Variants in GLMN observed in about 807,000 individuals in gnomAD.
The protein encoded by GLMN is glomulin.
A neutral mutation model predicts 87.8 loss-of-function variants in GLMN; 75 were observed. The observed-to-expected ratio is 0.85, with a 90% confidence interval of 0.71 to 1.04. The LOEUF is 1.04. Among genes scored for constraint, GLMN ranks in the 50% least tolerant of loss-of-function variants. GLMN has a pLI of 0.00. For missense variants in GLMN, 588 were observed against 658.8 expected (o/e 0.89, Z 1.18); for synonymous variants, 206 against 221.6 (o/e 0.93, Z 0.63).
chr1:92,334,840 T>A, the GLMN span, among the ~76,000 whole-genome samples: 6 of 151,628 alleles, frequency 4.0e-5, no homozygotes, highest in Middle Eastern at 3.4e-3. Flanking sequence ...CAAAAAAAAT[T>A]AGCCGGGCGT....
At chr1:92,348,514 A>G in the GLMN span, among the ~76,000 whole-genome samples, 2 of 152,176 alleles carry the variant, frequency 1.3e-5, no homozygotes, top group Non-Finnish European at 2.9e-5. Flanking sequence ...CACATTCTGT[A>G]TCTTCACTAG....
the GLMN span, among the ~76,000 whole-genome samples, chr1:92,355,876 G>A: frequency 4.0e-4 from 61 of 152,062 alleles, no homozygotes; most frequent in Non-Finnish European, 9.0e-4. Flanking sequence ...AACAGTTCTG[G>A]TCCCAAGCAT....
chr1:92,247,586 G>A (rs1200337319), intron 17 of GLMN, among the ~76,000 whole-genome samples: 1 of 152,154 alleles, frequency 6.6e-6, no homozygotes, highest in African/African-American at 2.4e-5. Context: ...GAGATGGAGA[G>A]TGGACCCAGC....
chr1:92,267,297 C>CAG (rs1373880485), intron 11 of GLMN, among the ~76,000 whole-genome samples: 1 of 152,170 alleles, frequency 6.6e-6, no homozygotes, highest in African/African-American at 2.4e-5. Flanking sequence ...AAGATCCCTA[C>CAG]AGAAATAAAG....
At chr1:92,328,823 G>A in the GLMN span, among the ~76,000 whole-genome samples, 1 of 152,208 alleles carries the variant, frequency 6.6e-6, no homozygotes, top group South Asian at 2.1e-4. Flanking sequence ...AGATTCTTTT[G>A]TCCCACAGGG....
chr1:92,270,438 C>T (rs1656124633), intron 8 of GLMN, among the ~76,000 whole-genome samples: 1 of 152,138 alleles, frequency 6.6e-6, no homozygotes, highest in South Asian at 2.1e-4. Context: ...AGAGAATGCT[C>T]TATTTCACAG....
At chr1:92,329,497 C>T in the GLMN span, among the ~76,000 whole-genome samples, 1 of 152,210 alleles carries the variant, frequency 6.6e-6, no homozygotes. Context: ...ATGAGCAGGG[C>T]TGAGAACTTG....
chr1:92,341,782 T>C, the GLMN span, among the ~76,000 whole-genome samples: 31 of 152,152 alleles, frequency 2.0e-4, no homozygotes, highest in Non-Finnish European at 3.1e-4. Context: ...GTAGCTGGGA[T>C]TACAGGCATG....
At chr1:92,327,228 G>C in the GLMN span, among the ~76,000 whole-genome samples, 1 of 152,188 alleles carries the variant, frequency 6.6e-6, no homozygotes, top group South Asian at 2.1e-4. Context: ...AACAGGTCTT[G>C]ATGACCTGTC....
At chr1:92,307,768 T>A in the GLMN span, among the ~76,000 whole-genome samples, 1 of 151,968 alleles carries the variant, frequency 6.6e-6, no homozygotes, top group South Asian at 2.1e-4. Context: ...ATGCTGGAGT[T>A]TAGCCTCTTG....
At chr1:92,287,143 T>G (rs1648857156) in intron 6 of GLMN, among the ~76,000 whole-genome samples, 2 of 152,134 alleles carry the variant, frequency 1.3e-5, no homozygotes, top group South Asian at 4.1e-4. Context: ...ACTATTCCAT[T>G]GAATTCTGAA....
intron 7 of GLMN, among the ~76,000 whole-genome samples, chr1:92,283,621 G>A (rs1648357492): frequency 6.6e-6 from 1 of 152,150 alleles, no homozygotes; most frequent in African/African-American, 2.4e-5. Flanking sequence ...TCTGGCTAGG[G>A]CAATCAGGCA....
chr1:92,278,335 T>C (rs927125513), intron 7 of GLMN, among the ~76,000 whole-genome samples: 12 of 152,214 alleles, frequency 7.9e-5, no homozygotes, highest in African/African-American at 2.9e-4. Flanking sequence ...CAGACTTTTG[T>C]GTGCTCCAGA....
chr1:92,338,517 T>C, the GLMN span, among the ~76,000 whole-genome samples: 272 of 152,314 alleles, frequency 1.8e-3, 3 homozygotes, highest in African/African-American at 6.0e-3. Context: ...AAAGTTTAAA[T>C]AGATATACAT....
At chr1:92,316,897 T>C in the GLMN span, among the ~76,000 whole-genome samples, 1 of 152,204 alleles carries the variant, frequency 6.6e-6, no homozygotes, top group African/African-American at 2.4e-5. Flanking sequence ...GTACCATTCT[T>C]TATAGATTGG....
At chr1:92,352,445 G>C in the GLMN span, among the ~76,000 whole-genome samples, 3 of 39,698 alleles carry the variant, frequency 7.6e-5, no homozygotes, top group African/African-American at 4.6e-4. Context: ...GCCTCAGCAG[G>C]CTGTTTTTTT....
At chr1:92,337,426 G>A in the GLMN span, among the ~76,000 whole-genome samples, 15,790 of 152,030 alleles carry the variant, frequency 0.1, 2,362 homozygotes, top group African/African-American at 0.34. Context: ...AAGTTTTTCA[G>A]TAAGTCTTTT....
At chr1:92,323,257 C>T in the GLMN span, among the ~76,000 whole-genome samples, 1 of 151,476 alleles carries the variant, frequency 6.6e-6, no homozygotes, top group African/African-American at 2.4e-5. Context: ...AACAGATGTA[C>T]TGAAATTATA....
chr1:92,309,580 T>TACACATAC, the GLMN span, among the ~76,000 whole-genome samples: 1 of 147,842 alleles, frequency 6.8e-6, no homozygotes, highest in Non-Finnish European at 1.5e-5. Flanking sequence ...CATATACATA[T>TACACATAC]ACATACACAT....
Sources: gnomAD v4.1 joint callset for allele counts (sites outside exome capture counted in the v4.1 genomes callset) on GRCh38, gnomAD v4.1.1 for gene constraint, MANE v1.5 for transcripts, NCBI Gene and HGNC (gene_info 2026-07-23, HGNC 2026-07-21) for gene names.